The following PASK variants were observed in gnomAD, a reference collection of about 807,000 sequenced individuals.
PASK encodes the protein PAS domain-containing serine/threonine-protein kinase.
Under a neutral mutation model 121.0 loss-of-function variants are expected in PASK, and 110 were observed. That is an observed-to-expected ratio of 0.91 (90% CI 0.78 to 1.06). The LOEUF (loss-of-function observed/expected upper bound fraction) is 1.06, where lower values mean the gene tolerates loss of function less well. Ranked by LOEUF, PASK falls within the 50% of genes least tolerant of loss-of-function variation. The pLI is 0.00. For synonymous variants in PASK, 686 were observed against 717.8 expected (o/e 0.96, Z 0.71); for missense variants, 1,643 against 1,702.3 (o/e 0.97, Z 0.61).
intron 12 of PASK, among the ~76,000 whole-genome samples, chr2:241,115,755 C>A (rs2065316957): frequency 7.3e-6 from 1 of 136,456 alleles, no homozygotes; most frequent in South Asian, 2.6e-4. Context: ...CACCAGGGGC[C>A]ACCGGTCCTC....
At position 241,112,684 on chromosome 2, in the gene PASK, A is replaced by T. The variant is rs2065158720; in HGVS notation, c.3334-245T>A. Reference sequence around the variant, plus strand: ...CCGGCAAGGTGGCAACATCAATGAGACTCGTGAGTTCTGTTTGCTGCTGAG... The same window carrying T: ...CCGGCAAGGTGGCAACATCAATGAGTCTCGTGAGTTCTGTTTGCTGCTGAG... On this transcript the variant is annotated intron_variant, in intron 14 of 17. Coordinates refer to ENST00000234040, the MANE Select transcript of PASK (RefSeq NM_015148.4). This position sits in a 1 kb window ranked among gnomAD's most constrained non-coding sequence, Gnocchi z 5.2. The T allele has an allele frequency of 6.3e-6, 3 of 472,898 alleles. No homozygotes were observed. Among genetic ancestry groups the T allele is most frequent in the Non-Finnish European group, 7.7e-6 (2 of 261,218 alleles). 29.3% of individuals were successfully genotyped at this position (472,898 alleles called of 1,614,324 possible).
In PASK at chr2:241,106,497, A is replaced by G; in HGVS notation, c.*69T>C. The G allele has an allele frequency of 1.9e-6, 3 of 1,539,936 alleles. No individual in the cohort carries two copies. Among genetic ancestry groups the G allele is most frequent in the African/African-American group, 1.4e-5 (1 of 73,564 alleles). On this transcript the variant is annotated 3_prime_UTR_variant, in exon 18 of 18. Transcript: ENST00000234040. ...GGATGCTTCAGAATGTATTTTCTCC[A>G]AACAGATGGAGCCTGAAAACTGTGT...
intron 1 of PASK, among the ~76,000 whole-genome samples, chr2:241,149,002 G>T (rs551436643): frequency 2.4e-4 from 37 of 152,174 alleles, no homozygotes; most frequent in African/African-American, 7.9e-4. Flanking sequence ...GGCTGAGCCC[G>T]CAGGGACCCA....
rs773737144 is a variant in PASK, at chr2:241,126,606, G to A, written c.2309C>T (p.Pro770Leu). ...SCATSELRETPSSLAVGSDPD... is the reference protein window; with the variant it reads ...SCATSELRETLSSLAVGSDPD... ...ATCGGAGCCCACTGCCAAGGAAGAGGGTGTCTCTCTGAGTTCAGACGTAGC... is the reference window on the plus strand; with the variant it reads ...ATCGGAGCCCACTGCCAAGGAAGAGAGTGTCTCTCTGAGTTCAGACGTAGC... Residue 770 changes from proline to leucine, a missense_variant, in exon 10 of 18, where the codon CCC becomes CTC. Around this residue, in one of 3 missense-constraint regions of PASK, gnomAD observed 1,176 missense variants for 1,162.2 expected, o/e 1.01. Coordinates refer to ENST00000234040, the MANE Select transcript of PASK (RefSeq NM_015148.4). 1 of 1,614,190 alleles carries A rather than the reference G, an allele frequency of 6.2e-7. No individual in the cohort carries two copies. The highest frequency in any genetic ancestry group is 8.5e-7 in the Non-Finnish European group (1 of 1,180,020).
chr2:241,116,581 G>A (rs1420480290), intron 12 of PASK, among the ~76,000 whole-genome samples: 1 of 152,220 alleles, frequency 6.6e-6, no homozygotes, highest in Non-Finnish European at 1.5e-5. Flanking sequence ...TCTTAGACAT[G>A]TTTTCAACAT....
intron 12 of PASK, chr2:241,118,860 A>G: frequency 1.1e-6 from 1 of 906,006 alleles, no homozygotes; most frequent in Non-Finnish European, 1.4e-6. Flanking sequence ...GGAGGCCATG[A>G]TGGGGCACTT....
At chr2:241,146,814 C>T (rs868393322) in intron 1 of PASK, among the ~76,000 whole-genome samples, 1 of 152,206 alleles carries the variant, frequency 6.6e-6, no homozygotes, top group Non-Finnish European at 1.5e-5. Context: ...GGCACAGGTC[C>T]CCTGATTTCC....
chr2:241,146,770 T>C (rs1254976968), intron 1 of PASK, among the ~76,000 whole-genome samples: 1 of 152,216 alleles, frequency 6.6e-6, no homozygotes, highest in Non-Finnish European at 1.5e-5. Flanking sequence ...TCCCTCTGGG[T>C]CAGGCAGGTG....
chr2:241,134,304 T>C (rs186625972), intron 8 of PASK: 67 of 152,210 alleles, frequency 4.4e-4, no homozygotes, highest in African/African-American at 1.6e-3. Flanking sequence ...GGGAATATAA[T>C]TAGTGCTAGA....
chr2:241,124,108 C>T lies in PASK; in HGVS notation c.2745G>A (p.Val915=). 1 of 1,610,606 alleles carries T rather than the reference C, an allele frequency of 6.2e-7. No individual in the cohort carries two copies. The highest frequency in any genetic ancestry group is 1.3e-5 in the African/African-American group (1 of 74,988). The change falls in exon 11 of 18, where the codon GTG becomes GTA. Residue 915 remains valine (V), a synonymous_variant. Coordinates refer to ENST00000234040, the MANE Select transcript of PASK (RefSeq NM_015148.4). ...ACAGAGGTGTGGGGCCCTGGAGCTC[C>T]ACCCGCCTCACCTCAAACTGTATAC... ...RLSIQFEVRR[V]ELQGPTPLFC...
At chr2:241,107,839 G>A (rs958977241) in intron 16 of PASK, among the ~76,000 whole-genome samples, 23 of 152,200 alleles carry the variant, frequency 1.5e-4, no homozygotes, top group Non-Finnish European at 4.4e-5. Flanking sequence ...CACAAGCTGA[G>A]AGAAGCCCCC....
Position 241,139,981 on chromosome 2 carries a change from C to A in PASK, c.504G>T (p.Thr168=), listed in dbSNP as rs139828636. The change falls in exon 4 of 18, where the codon ACG becomes ACT. Residue 168 remains threonine (T), a synonymous_variant. Transcript: ENST00000234040. The part of the protein sequence containing the change: ...SSQDLIGQKL[T]QFFLRSDSDV... ...CAGAATCTGACCTCAGAAAGAACTG[C>A]GTGAGCTTCTGGCCAATCAGGTCCT... 2 of 1,613,932 alleles carry A rather than the reference C, an allele frequency of 1.2e-6. No individual in the cohort carries two copies. Among genetic ancestry groups the A allele is most frequent in the Admixed American group, 1.7e-5 (1 of 60,016 alleles).
At chr2:241,147,798 T>C (rs894723240) in intron 1 of PASK, among the ~76,000 whole-genome samples, 3 of 151,998 alleles carry the variant, frequency 2.0e-5, no homozygotes, top group Non-Finnish European at 2.9e-5. Flanking sequence ...CCAACTAAAG[T>C]TGTGGAAGTT....
At chr2:241,123,858 G>T in intron 11 of PASK, 91 bp downstream of exon 11, 1 of 1,044,388 alleles carries the variant, frequency 9.6e-7, no homozygotes. Flanking sequence ...CTGTATTCCC[G>T]TCCCCAAGGA....
At chr2:241,121,406 T>G (rs1176581820) in intron 12 of PASK, among the ~76,000 whole-genome samples, 1 of 151,842 alleles carries the variant, frequency 6.6e-6, no homozygotes, top group Non-Finnish European at 1.5e-5. Context: ...AACAAAAACA[T>G]GACATAATAA....
At chr2:241,113,905 A>T (rs1307915294) in intron 14 of PASK, 18 of 984,382 alleles carry the variant, frequency 1.8e-5, no homozygotes, top group African/African-American at 3.5e-5. Flanking sequence ...ATGTGCGATC[A>T]TATACTTTAT....
chr2:241,115,957 C>T (rs1198126293), intron 12 of PASK, among the ~76,000 whole-genome samples: 50 of 92,250 alleles, frequency 5.4e-4, no homozygotes, highest in Admixed American at 1.9e-3. Flanking sequence ...CCCATTACGC[C>T]GGGGCCACCT....
intron 2 of PASK, among the ~76,000 whole-genome samples, chr2:241,141,473 C>A (rs1203921752): frequency 6.6e-6 from 1 of 152,124 alleles, no homozygotes; most frequent in African/African-American, 2.4e-5. Flanking sequence ...CTCCCAAAAC[C>A]CTCAGCCCCG....
Position 241,108,377 on chromosome 2 carries a change from G to A in PASK, c.3534-77C>T, listed in dbSNP as rs2064974623. 1 of 1,461,572 alleles carries A rather than the reference G, an allele frequency of 6.8e-7. No homozygotes were observed. Among genetic ancestry groups the A allele is most frequent in the Non-Finnish European group, 9.5e-7 (1 of 1,053,576 alleles). 90.5% of individuals were successfully genotyped at this position (1,461,572 alleles called of 1,614,324 possible). A position where few individuals can be genotyped will look rare whatever the true frequency, so the allele number is the denominator to read the frequency against. On this transcript the variant is annotated intron_variant, in intron 15 of 17. Transcript: ENST00000234040. This position sits in a 1 kb window ranked among gnomAD's most constrained non-coding sequence, Gnocchi z 5.2. ...CAAGCCCGCCCATGGGAAGCACCATGGCCCTTCCCGACCAGCACACAGGCC... is the reference window on the plus strand; with the variant it reads ...CAAGCCCGCCCATGGGAAGCACCATAGCCCTTCCCGACCAGCACACAGGCC...
Sources: gnomAD v4.1 joint callset for allele counts (sites outside exome capture counted in the v4.1 genomes callset) on GRCh38, gnomAD v4.1.1 for gene constraint, gnomAD v4.1.1 regional missense constraint, Gnocchi (gnomAD v3.1) non-coding constraint, MANE v1.5 for transcripts, NCBI Gene and HGNC (gene_info 2026-07-23, HGNC 2026-07-21) for gene names.